SLIT3: variants seen among roughly 807,000 people sequenced by gnomAD.
SLIT3 encodes slit homolog 3 protein.
In SLIT3, 68 loss-of-function variants were observed where a neutral mutation model predicts 184.0. That is an observed-to-expected ratio of 0.37 (90% CI 0.30 to 0.45). The LOEUF (loss-of-function observed/expected upper bound fraction) is 0.45, where lower values mean the gene tolerates loss of function less well. Among genes scored for constraint, SLIT3 ranks in the 20% least tolerant of loss-of-function variants. The probability of loss-of-function intolerance (pLI) is 1.00; values close to 1 mark genes in which losing one functional copy is unlikely to be tolerated. For synonymous variants in SLIT3, 831 were observed against 828.6 expected (o/e 1.00, Z -0.05); for missense variants, 1,707 against 2,026.0 (o/e 0.84, Z 3.02).
chr5:169,008,388 C>A (rs76761911), intron 4 of SLIT3, among the ~76,000 whole-genome samples: 5,272 of 152,278 alleles, frequency 0.035, 230 homozygotes, highest in East Asian at 0.092. Flanking sequence ...ACGGGCCTGA[C>A]TTCCCTAGCC....
intron 4 of SLIT3, chr5:169,022,957 A>T (rs1017729391): frequency 6.6e-6 from 1 of 152,134 alleles, no homozygotes; most frequent in African/African-American, 2.4e-5. Flanking sequence ...ATAAGAAAAA[A>T]AATATATCAC....
At chr5:168,859,658 A>G (rs1044880501) in intron 5 of SLIT3, among the ~76,000 whole-genome samples, 12 of 152,234 alleles carry the variant, frequency 7.9e-5, no homozygotes, top group African/African-American at 2.9e-4. Context: ...CATATTTCTG[A>G]CAACTACTTT....
chr5:168,682,918 AT>A (rs1413657083), intron 32 of SLIT3, among the ~76,000 whole-genome samples: 2 of 152,024 alleles, frequency 1.3e-5, no homozygotes, highest in Non-Finnish European at 2.9e-5. Flanking sequence ...TTTAGTAGTC[AT>A]TTTTATTACT....
intron 6 of SLIT3, among the ~76,000 whole-genome samples, chr5:168,834,841 A>T (rs535853703): frequency 1.4e-4 from 22 of 151,986 alleles, no homozygotes; most frequent in Non-Finnish European, 2.9e-4. Context: ...GGAGCAGGAC[A>T]GGGAAGCAGA....
At chr5:169,294,911 T>C (rs746792002) in intron 1 of SLIT3, among the ~76,000 whole-genome samples, 11 of 152,106 alleles carry the variant, frequency 7.2e-5, no homozygotes, top group Non-Finnish European at 1.5e-4. Context: ...TACCTATACA[T>C]AGAAAAGGTA....
rs141984494 is a variant in SLIT3, at chr5:169,135,419, G to GT, written c.413+58059dup. Among the ~76,000 whole-genome samples, 15 of 151,528 alleles carry GT rather than the reference G, an allele frequency of 9.9e-5. No homozygotes were observed. In the East Asian group the frequency reaches 2.1e-3, roughly 22 times the overall value. On this transcript the variant is annotated intron_variant, in intron 4 of 35. Coordinates refer to ENST00000519560, the MANE Select transcript of SLIT3 (RefSeq NM_003062.4). ...GAGCCACCACACCCGGCAGATCAGT[G>GT]TTTTTTTTTAATCCATGAGTTGTTC...
chr5:168,968,447 CATT>C (rs1416324060), intron 4 of SLIT3, among the ~76,000 whole-genome samples: 1 of 152,230 alleles, frequency 6.6e-6, no homozygotes, highest in African/African-American at 2.4e-5. Flanking sequence ...TCACTGCCAT[CATT>C]GTCAACAGTC....
At chr5:168,899,842 T>C (rs1760805194) in intron 4 of SLIT3, among the ~76,000 whole-genome samples, 1 of 152,106 alleles carries the variant, frequency 6.6e-6, no homozygotes, top group Non-Finnish European at 1.5e-5. Context: ...CCCCTTGGAC[T>C]TCTGTGCTCT....
intron 4 of SLIT3, among the ~76,000 whole-genome samples, chr5:168,909,410 C>T (rs922823935): frequency 6.6e-6 from 1 of 152,182 alleles, no homozygotes; most frequent in Admixed American, 6.5e-5. Context: ...TCCCCCATGG[C>T]GCAAAGCTTA....
intron 17 of SLIT3, among the ~76,000 whole-genome samples, chr5:168,753,417 G>A (rs1754785699): frequency 6.6e-6 from 1 of 152,208 alleles, no homozygotes; most frequent in Non-Finnish European, 1.5e-5. Context: ...GAATCAAGAC[G>A]TGGTTGTAGA....
chr5:168,990,093 G>A lies in SLIT3; in HGVS notation c.414-106757C>T, dbSNP rs556678426. On this transcript the variant is annotated intron_variant, in intron 4 of 35. Coordinates refer to ENST00000519560, the MANE Select transcript of SLIT3 (RefSeq NM_003062.4). ...CCTAGTTCCATTCCCCTGAAGATGT[G>A]AGAGAGGATGGGATTGTCTAATGAA... Among the ~76,000 whole-genome samples the A allele has an allele frequency of 2.2e-4, 33 of 152,304 alleles. 1 individual carries two copies. The South Asian group carries it at 6.6e-3, about 31-fold the overall frequency.
At chr5:169,018,387 T>C (rs958690119) in intron 4 of SLIT3, 4 of 135,702 alleles carry the variant, frequency 2.9e-5, no homozygotes, top group African/African-American at 1.3e-4. Flanking sequence ...GCCTTCTTTT[T>C]TGCAGGGAGG....
intron 3 of SLIT3, among the ~76,000 whole-genome samples, chr5:169,232,221 G>A (rs1765029571): frequency 6.6e-6 from 1 of 152,106 alleles, no homozygotes; most frequent in South Asian, 2.1e-4. Context: ...TCAAGGCCAC[G>A]AAAATATTCT....
intron 4 of SLIT3, among the ~76,000 whole-genome samples, chr5:168,885,372 G>A (rs971831548): frequency 6.6e-6 from 1 of 152,234 alleles, no homozygotes; most frequent in Admixed American, 6.5e-5. Flanking sequence ...TCAATGAGCA[G>A]GGCTCCAGCC....
chr5:169,021,507 T>C (rs59561538), intron 4 of SLIT3, among the ~76,000 whole-genome samples: 24,184 of 152,016 alleles, frequency 0.16, 2,321 homozygotes, highest in East Asian at 0.5. Context: ...CCAGCCACCA[T>C]GCCTGGCTAA....
intron 8 of SLIT3, among the ~76,000 whole-genome samples, chr5:168,815,946 C>T (rs1232216423): frequency 2.0e-5 from 3 of 152,198 alleles, no homozygotes; most frequent in Non-Finnish European, 4.4e-5. Context: ...TGCCAACTCC[C>T]CAGACTCAGC....
chr5:168,940,412 A>G (rs1053628305), intron 4 of SLIT3, among the ~76,000 whole-genome samples: 2 of 152,224 alleles, frequency 1.3e-5, no homozygotes, highest in Non-Finnish European at 2.9e-5. Context: ...CTCTGAACAT[A>G]CTTCCTATTA....
intron 3 of SLIT3, among the ~76,000 whole-genome samples, chr5:169,214,934 T>G (rs893844368): frequency 1.3e-5 from 2 of 152,108 alleles, no homozygotes; most frequent in Non-Finnish European, 2.9e-5. Flanking sequence ...GTATGGCCGT[T>G]CCCCTGGTCC....
At chr5:169,039,539 A>C (rs927311065) in intron 4 of SLIT3, among the ~76,000 whole-genome samples, 2 of 151,876 alleles carry the variant, frequency 1.3e-5, no homozygotes, top group Non-Finnish European at 2.9e-5. Context: ...GGATGGTCTC[A>C]ATCTCCTGAC....
Sources: allele counts gnomAD v4.1 joint callset (sites outside exome capture counted in the v4.1 genomes callset), GRCh38; gene constraint gnomAD v4.1.1; transcripts MANE v1.5; gene names NCBI Gene and HGNC (gene_info 2026-07-23, HGNC 2026-07-21).